Variants in NAT10 observed in about 807,000 individuals in gnomAD.
NAT10 encodes the protein N-acetyltransferase 10, also known as RNA cytidine acetyltransferase.
Under a neutral mutation model 132.2 loss-of-function variants are expected in NAT10, and 109 were observed. The ratio of observed to expected loss-of-function variants is 0.82; its 90% CI spans 0.71 to 0.97. The LOEUF (loss-of-function observed/expected upper bound fraction) is 0.97. Ranked by LOEUF, NAT10 falls within the 50% of genes least tolerant of loss-of-function variation. The pLI is 0.00. For synonymous variants in NAT10, 479 were observed against 478.0 expected (o/e 1.00, Z -0.03); for missense variants, 1,184 against 1,263.4 (o/e 0.94, Z 0.95).
chr11:34,116,783 C>T (rs1218276292), intron 6 of NAT10, among the ~76,000 whole-genome samples: 1 of 152,114 alleles, frequency 6.6e-6, no homozygotes, highest in Non-Finnish European at 1.5e-5. Context: ...TTAGTAGAGA[C>T]AAGGTTTCAC....
chr11:34,109,523 A>C (rs981147940), intron 3 of NAT10, among the ~76,000 whole-genome samples: 4 of 152,180 alleles, frequency 2.6e-5, no homozygotes, highest in Admixed American at 6.5e-5. Context: ...TTGATGCCTA[A>C]TGCGTCAACT....
In NAT10 at chr11:34,142,377, C is replaced by T. The variant is rs779696534; in HGVS notation, c.2885+29C>T. 3.1e-6 allele frequency: 5 copies of T among 1,605,846 alleles called. No individual in the cohort carries two copies. The South Asian group carries it at 3.3e-5, about 11-fold the overall frequency. On this transcript the variant is annotated intron_variant, in intron 27 of 28. Coordinates refer to ENST00000257829, the MANE Select transcript of NAT10 (RefSeq NM_024662.3). Reference sequence around the variant, plus strand: ...AGGCTTGTGGGAAGCAGAGGGTTTGCCTTGGCTTCTGGGGCCCTAAGAATC... The same window carrying T: ...AGGCTTGTGGGAAGCAGAGGGTTTGTCTTGGCTTCTGGGGCCCTAAGAATC...
intron 4 of NAT10, among the ~76,000 whole-genome samples, chr11:34,112,494 A>T (rs1160715954): frequency 6.6e-6 from 1 of 152,268 alleles, no homozygotes; most frequent in Non-Finnish European, 1.5e-5. Context: ...GCTAAAGCTG[A>T]TAAAGCAAAT....
intron 3 of NAT10, among the ~76,000 whole-genome samples, chr11:34,111,309 C>T (rs1347881963): frequency 6.6e-6 from 1 of 152,170 alleles, no homozygotes; most frequent in Non-Finnish European, 1.5e-5. Flanking sequence ...TCACCCACTG[C>T]CTTGGTTCAT....
In NAT10 at chr11:34,134,414, A is replaced by C; in HGVS notation, c.1830A>C (p.Ser610=). 6.2e-6 allele frequency: 10 copies of C among 1,614,190 alleles called. No individual in the cohort carries two copies. Among genetic ancestry groups the C allele is most frequent in the Non-Finnish European group, 6.8e-6 (8 of 1,180,008 alleles). The change falls in exon 17 of 29, where the codon TCA becomes TCC. Residue 610 remains serine (S), a synonymous_variant. Coordinates refer to ENST00000257829, the MANE Select transcript of NAT10 (RefSeq NM_024662.3). ...ASGDLIPWTV[S]EQFQDPDFGG... ...GGGACCTGATTCCATGGACAGTGTC[A>C]GAACAGGTGACGGGCTTTCCCTGGT...
rs1290970459 is a variant in NAT10, at chr11:34,146,228, G to A, written c.*36G>A. The A allele has an allele frequency of 6.9e-7, 1 of 1,451,052 alleles. No individual in the cohort carries two copies. The highest frequency in any genetic ancestry group is 2.0e-5 in the Admixed American group (1 of 49,858). The allele number at this position is 1,451,052 out of a possible 1,614,324, so 89.9% of individuals were successfully genotyped here. ...CTCGGGCATCTGTGTTTGATCATGG[G>A]AAGATACTCTCACTAACTGAACCCT... On this transcript the variant is annotated 3_prime_UTR_variant, in exon 29 of 29. Transcript: ENST00000257829.
At chr11:34,140,676 C>T in intron 24 of NAT10, 104 bp downstream of exon 24, 1 of 1,292,716 alleles carries the variant, frequency 7.7e-7, no homozygotes, top group Non-Finnish European at 1.1e-6. Flanking sequence ...GCCTTTAATT[C>T]CTCATACATC....
At position 34,108,620 on chromosome 11, in the gene NAT10, C is replaced by G. The variant is rs1196076384; in HGVS notation, c.109-122C>G. ...ACCTGGTCATTGCTCGCCTTAGAAC[C>G]TTGGGCACTTCCCTTCCCTGGCCCT... On this transcript the variant is annotated intron_variant, in intron 2 of 28. Coordinates refer to ENST00000257829, the MANE Select transcript of NAT10 (RefSeq NM_024662.3). 2.4e-5 allele frequency: 22 copies of G among 931,158 alleles called. No individual in the cohort carries two copies. In the Admixed American group the frequency reaches 5.5e-4, roughly 23 times the overall value. 57.7% of individuals were successfully genotyped at this position (931,158 alleles called of 1,614,324 possible). A position where few individuals can be genotyped will look rare whatever the true frequency, so the allele number is the denominator to read the frequency against.
chr11:34,119,497 T>C (rs1409239491), intron 8 of NAT10, among the ~76,000 whole-genome samples: 1 of 152,100 alleles, frequency 6.6e-6, no homozygotes, highest in Non-Finnish European at 1.5e-5. Flanking sequence ...ACCCTCTTTA[T>C]CACAAAAGAG....
At position 34,112,499 on chromosome 11, in the gene NAT10, G is replaced by A. The variant is rs923695421; in HGVS notation, c.372+276G>A. 3.9e-5 allele frequency among the ~76,000 whole-genome samples: 6 copies of A among 152,370 alleles called. No individual in the cohort carries two copies. In the East Asian group the frequency reaches 1.2e-3, roughly 29 times the overall value. ...GTTCTAACTAGCTAAAGCTGATAAA[G>A]CAAATGCCAGAGACTTTGAGTGCCT... On this transcript the variant is annotated intron_variant, in intron 4 of 28. Coordinates refer to ENST00000257829, the MANE Select transcript of NAT10 (RefSeq NM_024662.3).
At chr11:34,115,267 T>G (rs1851765300) in intron 5 of NAT10, among the ~76,000 whole-genome samples, 1 of 152,226 alleles carries the variant, frequency 6.6e-6, no homozygotes, top group Non-Finnish European at 1.5e-5. Flanking sequence ...ATTCCTTAGA[T>G]AGTTGAGAGT....
At chr11:34,135,058 C>T in intron 18 of NAT10, 117 bp from the exon 19 acceptor site, 1 of 759,730 alleles carries the variant, frequency 1.3e-6, no homozygotes, top group South Asian at 1.6e-5. Flanking sequence ...GTTCTCTTGC[C>T]CCGTGCTGTT....
intron 8 of NAT10, 133 bp downstream of exon 8, chr11:34,118,636 T>G: frequency 1.6e-6 from 1 of 641,268 alleles, no homozygotes; most frequent in Non-Finnish European, 2.6e-6. Flanking sequence ...TTGCTCATAC[T>G]CGTGTGTGCT....
At chr11:34,130,709 G>A in intron 12 of NAT10, 104 bp from the exon 13 acceptor site, 7 of 1,399,838 alleles carry the variant, frequency 5.0e-6, no homozygotes, top group Non-Finnish European at 6.9e-6. Context: ...CCTGGGGGAA[G>A]CAGGGGTCTG....
intron 5 of NAT10, among the ~76,000 whole-genome samples, chr11:34,114,426 T>C (rs1851749832): frequency 6.6e-6 from 1 of 152,220 alleles, no homozygotes; most frequent in Admixed American, 6.5e-5. Flanking sequence ...GTCATGCCCA[T>C]GTCCAGCAGC....
chr11:34,144,151 C>T (rs1373621519), intron 28 of NAT10, among the ~76,000 whole-genome samples: 1 of 152,144 alleles, frequency 6.6e-6, no homozygotes, highest in African/African-American at 2.4e-5. Flanking sequence ...AAATGAAAAA[C>T]TGGCCAGGTG....
At chr11:34,138,896 G>T (rs942052085) in intron 21 of NAT10, 2 of 354,822 alleles carry the variant, frequency 5.6e-6, no homozygotes. Context: ...TTTCCCTCCC[G>T]CACGTCCCGA....
intron 21 of NAT10, 73 bp from the exon 22 acceptor site, chr11:34,139,118 T>G: frequency 1.5e-6 from 2 of 1,366,910 alleles, no homozygotes; most frequent in Non-Finnish European, 2.1e-6. Flanking sequence ...CTCTGAGTGT[T>G]TACCCTTCAT....
At position 34,130,798 on chromosome 11, in the gene NAT10, T is replaced by A. The variant is rs200679353; in HGVS notation, c.1245-15T>A. ...TTGGGACCTTGTGCCTGATTCCTTTTGCCTTTGTTTCTAGCTATGAGGGCA... is the reference window on the plus strand; with the variant it reads ...TTGGGACCTTGTGCCTGATTCCTTTAGCCTTTGTTTCTAGCTATGAGGGCA... On this transcript the variant is annotated splice_polypyrimidine_tract_variant and intron_variant, in intron 12 of 28. Coordinates refer to ENST00000257829, the MANE Select transcript of NAT10 (RefSeq NM_024662.3). 1 of 1,613,862 alleles carries A rather than the reference T, an allele frequency of 6.2e-7. No individual in the cohort carries two copies. Among genetic ancestry groups the A allele is most frequent in the East Asian group, 2.2e-5 (1 of 44,880 alleles).
Sources: gnomAD v4.1 joint callset for allele counts (sites outside exome capture counted in the v4.1 genomes callset) on GRCh38, gnomAD v4.1.1 for gene constraint, MANE v1.5 for transcripts, NCBI Gene and HGNC (gene_info 2026-07-23, HGNC 2026-07-21) for gene names.